CALCOCO2: variants seen among roughly 807,000 people sequenced by gnomAD.
CALCOCO2 encodes the protein calcium binding and coiled-coil domain 2.
Under a neutral mutation model 62.5 loss-of-function variants are expected in CALCOCO2, and 42 were observed. The ratio of observed to expected loss-of-function variants is 0.67; its 90% CI spans 0.53 to 0.87. CALCOCO2 has a LOEUF of 0.87. Among genes scored for constraint, CALCOCO2 ranks in the 40% least tolerant of loss-of-function variants. The pLI is 0.00. For synonymous variants in CALCOCO2, 167 were observed against 173.0 expected (o/e 0.97, Z 0.27); for missense variants, 456 against 515.0 (o/e 0.89, Z 1.11).
chr17:48,842,071 C>A, intron 2 of CALCOCO2, 184 bp downstream of exon 2: 3 of 366,822 alleles, frequency 8.2e-6, no homozygotes, highest in Non-Finnish European at 9.9e-6. Context: ...CTCAAATTTT[C>A]ATTTCAGTGT....
intron 9 of CALCOCO2, among the ~76,000 whole-genome samples, chr17:48,854,922 A>G (rs1392295024): frequency 6.6e-6 from 1 of 152,142 alleles, no homozygotes; most frequent in Non-Finnish European, 1.5e-5. Flanking sequence ...AGGCCAGGAA[A>G]GCCTATTTCT....
Position 48,863,166 on chromosome 17 carries a change from C to G in CALCOCO2, c.*161C>G. 1.6e-6 allele frequency: 1 copy of G among 620,150 alleles called. No homozygotes were observed. Among genetic ancestry groups the G allele is most frequent in the Non-Finnish European group, 2.9e-6 (1 of 346,360 alleles). The allele number at this position is 620,150 out of a possible 1,614,324, so 38.4% of individuals were successfully genotyped here. A position where few individuals can be genotyped will look rare whatever the true frequency, so the allele number is the denominator to read the frequency against. On this transcript the variant is annotated 3_prime_UTR_variant, in exon 13 of 13. Coordinates refer to ENST00000258947, the MANE Select transcript of CALCOCO2 (RefSeq NM_005831.5). ...GGAGTTATGTCACTGATCTGAAGGT[C>G]ACTGTTAAGGGCTTCTGCTGCCATC...
chr17:48,851,130 A>G lies in CALCOCO2; in HGVS notation c.585A>G (p.Glu195=). The G allele has an allele frequency of 1.2e-6, 2 of 1,611,578 alleles. No homozygotes were observed. The highest frequency in any genetic ancestry group is 1.7e-6 in the Non-Finnish European group (2 of 1,177,780). ...TACAGAGCATCAATAAGAAGTTGGA[A>G]CTGAAAGTGAAAGAACAGAAGGACT... ...ETLQSINKKL[E]LKVKEQKDYW... Residue 195 remains glutamate, a synonymous_variant, in exon 6 of 13, where the codon GAA becomes GAG. Coordinates refer to ENST00000258947, the MANE Select transcript of CALCOCO2 (RefSeq NM_005831.5).
At chr17:48,852,729 G>A (rs2040152773) in intron 8 of CALCOCO2, 101 bp downstream of exon 8, 6 of 1,204,240 alleles carry the variant, frequency 5.0e-6, no homozygotes, top group South Asian at 4.2e-5. Flanking sequence ...ATACCTGGAT[G>A]TCACTGGCTT....
chr17:48,856,087 G>A lies in CALCOCO2; in HGVS notation c.913-5G>A, dbSNP rs2040211300. The A allele has an allele frequency of 1.3e-6, 2 of 1,507,914 alleles. No individual in the cohort carries two copies. The highest frequency in any genetic ancestry group is 1.8e-6 in the Non-Finnish European group (2 of 1,091,102). 93.4% of individuals were successfully genotyped at this position (1,507,914 alleles called of 1,614,324 possible). A position where few individuals can be genotyped will look rare whatever the true frequency, so the allele number is the denominator to read the frequency against. The stretch of plus-strand genomic sequence containing the variant: ...CCTAATCCTAATTTTTTTTATTGTT[G>A]ACAGGATGAAAACTTTGACCTGTCA... On this transcript the variant is annotated splice_polypyrimidine_tract_variant and splice_region_variant and intron_variant, in intron 9 of 12. Transcript: ENST00000258947.
intron 7 of CALCOCO2, 109 bp from the exon 8 acceptor site, chr17:48,852,397 G>A: frequency 1.1e-6 from 1 of 887,284 alleles, no homozygotes; most frequent in South Asian, 1.7e-5. Context: ...GTTGGCAGTT[G>A]GGAGTTGCTA....
At chr17:48,834,041 A>C (rs1188486875) in intron 1 of CALCOCO2, among the ~76,000 whole-genome samples, 1 of 146,758 alleles carries the variant, frequency 6.8e-6, no homozygotes, top group Non-Finnish European at 1.5e-5. Flanking sequence ...TGCTTGAGCC[A>C]GGGATGTCAA....
intron 7 of CALCOCO2, 46 bp downstream of exon 7, chr17:48,851,674 C>T: frequency 9.3e-7 from 1 of 1,079,944 alleles, no homozygotes; most frequent in East Asian, 2.4e-5. Context: ...CTTAGCCTTA[C>T]CACTGCTCCA....
chr17:48,851,118 T>A lies in CALCOCO2; in HGVS notation c.573T>A (p.Asn191Lys). The A allele has an allele frequency of 1.2e-6, 2 of 1,609,196 alleles. No individual in the cohort carries two copies. Among genetic ancestry groups the A allele is most frequent in the Non-Finnish European group, 1.7e-6 (2 of 1,175,674 alleles). ...AGCTAGAAACCCTACAGAGCATCAA[T>A]AAGAAGTTGGAACTGAAAGTGAAAG... ...QEELETLQSI[N>K]KKLELKVKEQ... The change falls in exon 6 of 13, where the codon AAT becomes AAA. Residue 191 changes from asparagine (N) to lysine (K), a missense_variant. Asn to Lys is a moderately conservative substitution (Grantham distance 94). This residue lies in a region of CALCOCO2 where 236 missense variants were observed against 225.3 expected (regional missense o/e 1.05). Transcript: ENST00000258947.
Position 48,849,243 on chromosome 17 carries a change from C to A in CALCOCO2, c.418-9C>A, listed in dbSNP as rs1242689952. On this transcript the variant is annotated splice_polypyrimidine_tract_variant and intron_variant, in intron 4 of 12. Coordinates refer to ENST00000258947, the MANE Select transcript of CALCOCO2 (RefSeq NM_005831.5). ...CTTGGAATATAGTTTATGGAATGTTCTTTTGTAGGGAGAGGTGGAAGAGAT... is the reference window on the plus strand; with the variant it reads ...CTTGGAATATAGTTTATGGAATGTTATTTTGTAGGGAGAGGTGGAAGAGAT... The A allele has an allele frequency of 9.3e-6, 15 of 1,613,040 alleles. No individual in the cohort carries two copies. The highest frequency in any genetic ancestry group is 1.3e-5 in the Non-Finnish European group (15 of 1,179,386).
chr17:48,837,414 G>A (rs891063236), intron 1 of CALCOCO2, among the ~76,000 whole-genome samples: 1 of 152,110 alleles, frequency 6.6e-6, no homozygotes, highest in East Asian at 1.9e-4. Context: ...GGAGGCTGAG[G>A]TGGGTGGATC....
At chr17:48,842,154 C>CTTTTTTTTTTTTTTTT (rs200836727) in intron 2 of CALCOCO2, 2 of 135,484 alleles carry the variant, frequency 1.5e-5, no homozygotes, top group Non-Finnish European at 3.0e-5. Flanking sequence ...TTTTTCTTTT[C>CTTTTTTTTTTTTTTTT]TTTTTTTTTT....
intron 1 of CALCOCO2, among the ~76,000 whole-genome samples, chr17:48,836,345 A>G (rs1335670013): frequency 6.6e-6 from 1 of 152,204 alleles, no homozygotes; most frequent in African/African-American, 2.4e-5. Flanking sequence ...TAGAAAAGAG[A>G]AAGCTGAGAA....
In CALCOCO2 at chr17:48,841,833, T is replaced by C; in HGVS notation, c.126T>C (p.Tyr42=). 1 of 1,613,754 alleles carries C rather than the reference T, an allele frequency of 6.2e-7. No homozygotes were observed. Among genetic ancestry groups the C allele is most frequent in the Non-Finnish European group, 8.5e-7 (1 of 1,179,748 alleles). ...CTGGAGGGGACGTCACATGTCATTA[T>C]ACCTTCACCCAGCATTTCATCCCTC... ...YIPGGDVTCH[Y]TFTQHFIPRR... The change falls in exon 2 of 13, where the codon TAT becomes TAC. Residue 42 remains tyrosine, a synonymous_variant. Transcript: ENST00000258947.
chr17:48,852,848 CT>C, intron 8 of CALCOCO2, 77 bp from the exon 9 acceptor site: 1 of 1,156,746 alleles, frequency 8.6e-7, no homozygotes, highest in Non-Finnish European at 1.3e-6. Context: ...TGCTCATTAG[CT>C]TAGCAGGCCC....
Position 48,848,366 on chromosome 17 carries a change from G to A in CALCOCO2, c.328G>A (p.Val110Met), listed in dbSNP as rs2040081338. The A allele has an allele frequency of 6.2e-7, 1 of 1,613,178 alleles. No homozygotes were observed. The highest frequency in any genetic ancestry group is 1.3e-5 in the African/African-American group (1 of 74,898). The change falls in exon 4 of 13, where the codon GTG becomes ATG. Residue 110 changes from valine (V) to methionine (M), a missense_variant. This residue lies in a region of CALCOCO2 where 236 missense variants were observed against 225.3 expected (regional missense o/e 1.05). Transcript: ENST00000258947. ...KDDEYYQFCY[V>M]DEDGVVRGAS... ...TGATGAGTATTACCAGTTCTGCTAT[G>A]TGGATGAGGATGGTGTGGTCCGGGG...
At chr17:48,860,219 A>T (rs1025794458) in intron 10 of CALCOCO2, 95 bp from the exon 11 acceptor site, 1 of 889,570 alleles carries the variant, frequency 1.1e-6, no homozygotes, top group East Asian at 2.5e-5. Context: ...CACATTGCTA[A>T]TTGAGAACTA....
intron 1 of CALCOCO2, among the ~76,000 whole-genome samples, chr17:48,834,902 G>A (rs1194536570): frequency 2.6e-5 from 4 of 151,516 alleles, no homozygotes; most frequent in Admixed American, 6.6e-5. Flanking sequence ...CAAACATTAG[G>A]TGGGCATGGT....
chr17:48,858,906 G>A (rs981097065), intron 10 of CALCOCO2, among the ~76,000 whole-genome samples: 15 of 151,742 alleles, frequency 9.9e-5, no homozygotes, highest in Non-Finnish European at 1.9e-4. Context: ...GTAGCCAGGT[G>A]TGGTGGTGCA....
Sources: allele counts gnomAD v4.1 joint callset (sites outside exome capture counted in the v4.1 genomes callset), GRCh38; gene constraint gnomAD v4.1.1; regional missense constraint gnomAD v4.1.1; transcripts MANE v1.5; gene names NCBI Gene and HGNC (gene_info 2026-07-23, HGNC 2026-07-21).